Variants in SLC2A9 observed in about 807,000 individuals in gnomAD.
The protein encoded by SLC2A9 is solute carrier family 2 member 9.
In SLC2A9, 39 loss-of-function variants were observed where a neutral mutation model predicts 50.6. The ratio of observed to expected loss-of-function variants is 0.77; its 90% CI spans 0.60 to 1.01. The LOEUF (loss-of-function observed/expected upper bound fraction) is 1.01, where lower values mean the gene tolerates loss of function less well. Among genes scored for constraint, SLC2A9 ranks in the 50% least tolerant of loss-of-function variants. SLC2A9 has a pLI of 0.00. For missense variants in SLC2A9, 686 were observed against 677.6 expected, an observed-to-expected ratio of 1.01 and a Z score of -0.14; for synonymous variants, 324 against 276.9, an observed-to-expected ratio of 1.17 and a Z score of -1.69.
intron 6 of SLC2A9, among the ~76,000 whole-genome samples, chr4:9,936,935 C>T (rs1293613769): frequency 6.6e-6 from 1 of 152,132 alleles, no homozygotes; most frequent in African/African-American, 2.4e-5. Flanking sequence ...CAGAACTGGT[C>T]CCCAAGAAGC....
chr4:9,906,356 C>T (rs1740661614), intron 8 of SLC2A9, among the ~76,000 whole-genome samples: 1 of 152,166 alleles, frequency 6.6e-6, no homozygotes, highest in Non-Finnish European at 1.5e-5. Context: ...CAGAAAATTA[C>T]TGGAGAAGGA....
chr4:9,905,195 C>T (rs1740423438), intron 8 of SLC2A9, among the ~76,000 whole-genome samples: 1 of 152,250 alleles, frequency 6.6e-6, no homozygotes, highest in African/African-American at 2.4e-5. Flanking sequence ...AATCCACCAC[C>T]CAAGCTCTGA....
chr4:9,916,385 T>C (rs561667663), intron 7 of SLC2A9, among the ~76,000 whole-genome samples: 1 of 152,330 alleles, frequency 6.6e-6, no homozygotes, highest in East Asian at 1.9e-4. Flanking sequence ...TCTTTGCTCT[T>C]CTTTTACATC....
intron 3 of SLC2A9, among the ~76,000 whole-genome samples, chr4:9,785,296 T>C (rs922197235): frequency 6.6e-5 from 10 of 152,244 alleles, no homozygotes; most frequent in Non-Finnish European, 1.3e-4. Flanking sequence ...ATGGGGTCTC[T>C]GGTGAAATAA....
intron 5 of SLC2A9, among the ~76,000 whole-genome samples, chr4:9,971,658 C>T (rs983816033): frequency 1.3e-5 from 2 of 152,026 alleles, no homozygotes; most frequent in South Asian, 4.1e-4. Flanking sequence ...AAATGGTTAA[C>T]CAGTGATTTT....
At chr4:9,952,069 G>C (rs890227133) in intron 5 of SLC2A9, among the ~76,000 whole-genome samples, 3 of 152,156 alleles carry the variant, frequency 2.0e-5, no homozygotes, top group African/African-American at 7.2e-5. Context: ...CTGAACCCTG[G>C]TCCTGCCACT....
At chr4:9,872,462 C>T (rs890296802) in intron 10 of SLC2A9, among the ~76,000 whole-genome samples, 23 of 152,240 alleles carry the variant, frequency 1.5e-4, no homozygotes, top group African/African-American at 5.5e-4. Flanking sequence ...GAATCCCTCT[C>T]ACTATCTGAA....
At chr4:10,039,912 A>G (rs1056159313) in intron 1 of SLC2A9, among the ~76,000 whole-genome samples, 7 of 152,260 alleles carry the variant, frequency 4.6e-5, no homozygotes, top group Admixed American at 1.3e-4. Context: ...AGCATCTGCA[A>G]TGAGCGCCAG....
intron 9 of SLC2A9, among the ~76,000 whole-genome samples, chr4:9,890,365 C>T (rs549794994): frequency 3.3e-5 from 5 of 152,290 alleles, no homozygotes; most frequent in South Asian, 2.1e-4. Context: ...CAAGATCACA[C>T]GGCTCATCAG....
At chr4:9,824,640 T>A (rs763019876), downstream of SLC2A9, among the ~76,000 whole-genome samples, 12 of 152,202 alleles carry the variant, frequency 7.9e-5, no homozygotes, top group Non-Finnish European at 1.6e-4. Flanking sequence ...TCTTCTCTGG[T>A]AGACATGGGC....
At chr4:9,923,381 G>A (rs1015559901) in intron 6 of SLC2A9, among the ~76,000 whole-genome samples, 10 of 152,188 alleles carry the variant, frequency 6.6e-5, no homozygotes, top group Non-Finnish European at 1.5e-4. Flanking sequence ...TTCATACTTG[G>A]CTTGGAGCCA....
intron 5 of SLC2A9, among the ~76,000 whole-genome samples, chr4:9,957,048 G>A (rs1328643370): frequency 6.6e-6 from 1 of 152,052 alleles, no homozygotes; most frequent in Admixed American, 6.6e-5. Flanking sequence ...GCAAAGACAG[G>A]GTGAGGGTGG....
chr4:9,988,445 C>A (rs895504161), intron 3 of SLC2A9, among the ~76,000 whole-genome samples: 2 of 152,206 alleles, frequency 1.3e-5, no homozygotes, highest in South Asian at 2.1e-4. Context: ...ACTCTCTGGG[C>A]AAGTTTATCA....
At chr4:9,976,235 C>T (rs75580860) in intron 5 of SLC2A9, among the ~76,000 whole-genome samples, 2,246 of 152,248 alleles carry the variant, frequency 0.015, 68 homozygotes, top group African/African-American at 0.05. Flanking sequence ...CGCACACGTA[C>T]CCTCTTAATT....
intron 3 of SLC2A9, among the ~76,000 whole-genome samples, chr4:9,815,325 T>A (rs2109012659): frequency 6.6e-6 from 1 of 152,356 alleles, no homozygotes; most frequent in South Asian, 2.1e-4. Context: ...TGGGCTGACT[T>A]CACATATTCT....
intron 1 of SLC2A9, among the ~76,000 whole-genome samples, chr4:10,029,458 G>T (rs1384370672): frequency 6.6e-6 from 1 of 152,044 alleles, no homozygotes; most frequent in Non-Finnish European, 1.5e-5. Flanking sequence ...TAAGCCAGGG[G>T]TTCTTACCCT....
intron 1 of SLC2A9, 112 bp from the exon 2 acceptor site, chr4:10,019,185 G>T: frequency 2.3e-6 from 2 of 861,392 alleles, no homozygotes; most frequent in Non-Finnish European, 3.8e-6. Context: ...AGAAGTCTTT[G>T]TCCTTGGCTG....
intron 5 of SLC2A9, among the ~76,000 whole-genome samples, chr4:9,952,671 T>C (rs1322362439): frequency 6.6e-6 from 1 of 152,042 alleles, no homozygotes; most frequent in Non-Finnish European, 1.5e-5. Flanking sequence ...ACTACAGGCA[T>C]GCACCACCAA....
intron 6 of SLC2A9, among the ~76,000 whole-genome samples, chr4:9,937,000 C>T (rs1180696293): frequency 1.3e-5 from 2 of 152,180 alleles, no homozygotes; most frequent in Non-Finnish European, 1.5e-5. Context: ...GTTGAACTTC[C>T]TTCCCTGTGC....
Sources: gnomAD v4.1 joint callset for allele counts (sites outside exome capture counted in the v4.1 genomes callset) on GRCh38, gnomAD v4.1.1 for gene constraint, MANE v1.5 for transcripts, NCBI Gene and HGNC (gene_info 2026-07-23, HGNC 2026-07-21) for gene names.